Variants in USP12 observed in about 807,000 individuals in gnomAD.
The protein encoded by USP12 is ubiquitin carboxyl-terminal hydrolase 12.
Under a neutral mutation model 45.5 loss-of-function variants are expected in USP12, and 19 were observed. The observed-to-expected ratio is 0.42, with a 90% CI of 0.29 to 0.61. The LOEUF is 0.61. Ranked by LOEUF, USP12 falls within the 20% of genes least tolerant of loss-of-function variation. The probability of loss-of-function intolerance (pLI) is 0.22; values close to 1 mark genes in which losing one functional copy is unlikely to be tolerated. For missense variants in USP12, 242 were observed against 447.7 expected, an observed-to-expected ratio of 0.54 and a Z score of 4.15; for synonymous variants, 149 against 148.8, an observed-to-expected ratio of 1.00 and a Z score of -0.01.
intron 1 of USP12, among the ~76,000 whole-genome samples, chr13:27,136,963 A>G (rs894096948): frequency 6.6e-6 from 1 of 152,220 alleles, no homozygotes; most frequent in Non-Finnish European, 1.5e-5. Context: ...ACATAATACT[A>G]TTTTGTCTAC....
rs759184592 is a variant in USP12, at chr13:27,171,636, C to T, written c.4G>A (p.Glu2Lys). 7.2e-5 allele frequency: 93 copies of T among 1,290,622 alleles called. No individual in the cohort carries two copies. The highest frequency in any genetic ancestry group is 1.9e-4 in the Admixed American group (8 of 42,564). The allele number at this position is 1,290,622 out of a possible 1,614,324, so 79.9% of individuals were successfully genotyped here. ...AATTTGGAGACTGTCATTAGGATTT[C>T]CATCCGGCCAGCGCCATCTTCCACC... MEILMTVSKFAS... is the reference protein window; with the variant it reads MKILMTVSKFAS... Residue 2 changes from glutamate (E) to lysine (K), a missense_variant, in exon 1 of 9, where the codon GAA (glutamate) becomes AAA (lysine). Transcript: ENST00000282344.
chr13:27,082,704 G>A (rs1048887205), intron 6 of USP12, among the ~76,000 whole-genome samples: 3 of 152,156 alleles, frequency 2.0e-5, no homozygotes, highest in Non-Finnish European at 4.4e-5. Context: ...ACCCTTAGAA[G>A]CCATTGTAAG....
chr13:27,132,017 T>C (rs747539901), intron 1 of USP12, among the ~76,000 whole-genome samples: 3 of 152,212 alleles, frequency 2.0e-5, no homozygotes, highest in Non-Finnish European at 4.4e-5. Context: ...GTGCTTCTAC[T>C]GGTTCTACAT....
chr13:27,096,554 A>C (rs78470365), intron 3 of USP12, among the ~76,000 whole-genome samples: 1 of 152,314 alleles, frequency 6.6e-6, no homozygotes, highest in African/African-American at 2.4e-5. Flanking sequence ...AACAGTAAGG[A>C]CTTTAGAGGC....
chr13:27,158,019 G>C (rs17085247), intron 1 of USP12, among the ~76,000 whole-genome samples: 6,510 of 152,314 alleles, frequency 0.043, 175 homozygotes, highest in Admixed American at 0.077. Context: ...TGCGCCATTA[G>C]TTTTACTGGG....
chr13:27,142,906 G>A (rs760766961), intron 1 of USP12, among the ~76,000 whole-genome samples: 3 of 152,080 alleles, frequency 2.0e-5, no homozygotes. Context: ...CATCCTGGCC[G>A]ACATGGTGAA....
chr13:27,110,936 G>A (rs917359519), intron 2 of USP12, among the ~76,000 whole-genome samples: 2 of 152,094 alleles, frequency 1.3e-5, no homozygotes, highest in African/African-American at 4.8e-5. Context: ...AAGTATACCA[G>A]AAATATTATG....
intron 1 of USP12, among the ~76,000 whole-genome samples, chr13:27,131,559 C>T (rs1249078429): frequency 6.6e-6 from 1 of 152,204 alleles, no homozygotes; most frequent in Non-Finnish European, 1.5e-5. Flanking sequence ...TTCAAGTACA[C>T]TTGGTTTTGA....
At chr13:27,140,424 C>G (rs1007241557) in intron 1 of USP12, among the ~76,000 whole-genome samples, 2 of 152,128 alleles carry the variant, frequency 1.3e-5, no homozygotes, top group Non-Finnish European at 2.9e-5. Context: ...AATCTTAAAT[C>G]TACATCAATA....
At chr13:27,145,062 G>C (rs939902212) in intron 1 of USP12, among the ~76,000 whole-genome samples, 2 of 152,164 alleles carry the variant, frequency 1.3e-5, no homozygotes, top group African/African-American at 4.8e-5. Flanking sequence ...CTGCAGCAGA[G>C]TGAGACCCTG....
rs1363091106 is a variant in USP12 at position 27,129,569 on chromosome 13, T to C, written c.49-12973A>G. On this transcript the variant is annotated intron_variant, in intron 1 of 8. Coordinates refer to ENST00000282344, the MANE Select transcript of USP12 (RefSeq NM_182488.4). The surrounding 1 kb of genome is among the most constrained non-coding windows in gnomAD (Gnocchi z 4.0). The stretch of plus-strand genomic sequence containing the variant: ...CAAGACTCTGTCTCTACAGAGGATG[T>C]TGTGGAGCACGCCTGTAGTCCCAGC... 6.6e-6 allele frequency among the ~76,000 whole-genome samples: 1 copy of C among 152,134 alleles called. No homozygotes were observed. The highest frequency in any genetic ancestry group is 1.5e-5 in the Non-Finnish European group (1 of 68,022).
At position 27,170,489 on chromosome 13, in the gene USP12, T is replaced by C. The variant is rs570711191; in HGVS notation, c.48+1103A>G. ...CTAGGCCCACGTTGCAAAGAACAAC[T>C]TTTTTCGGTGATGACTCATAAATTA... On this transcript the variant is annotated intron_variant, in intron 1 of 8. Coordinates refer to ENST00000282344, the MANE Select transcript of USP12 (RefSeq NM_182488.4). Among the ~76,000 whole-genome samples the C allele has an allele frequency of 2.8e-4, 42 of 152,336 alleles. No individual in the cohort carries two copies. The South Asian group carries it at 8.3e-3, about 30-fold the overall frequency.
chr13:27,152,566 ACT>A (rs1436836365), intron 1 of USP12, among the ~76,000 whole-genome samples: 2 of 152,120 alleles, frequency 1.3e-5, no homozygotes, highest in Non-Finnish European at 2.9e-5. Context: ...TAAATGCAAA[ACT>A]CTAAAAGCCA....
intron 1 of USP12, 98 bp from the exon 2 acceptor site, chr13:27,116,694 A>G: frequency 9.0e-7 from 1 of 1,108,210 alleles, no homozygotes; most frequent in East Asian, 2.6e-5. Flanking sequence ...TGGTCCTATC[A>G]CATTACGATG....
chr13:27,107,579 C>G (rs982577864), intron 2 of USP12, among the ~76,000 whole-genome samples: 5 of 152,138 alleles, frequency 3.3e-5, no homozygotes, highest in African/African-American at 1.2e-4. Context: ...TTTGTGTGTA[C>G]GTGTTTTCAA....
intron 1 of USP12, among the ~76,000 whole-genome samples, chr13:27,162,600 C>CA (rs1185510851): frequency 5.3e-5 from 8 of 151,902 alleles, no homozygotes; most frequent in African/African-American, 1.2e-4. Flanking sequence ...TGAAATACCT[C>CA]AAAAAAAATC....
Position 27,075,179 on chromosome 13 carries a change from A to T in USP12, c.932+12T>A. ...AGGAATTCCACTACTATGTCCCCGG[A>T]GTTGCAATTACCTTCCACAGTGAAC... On this transcript the variant is annotated intron_variant, in intron 7 of 8. Coordinates refer to ENST00000282344, the MANE Select transcript of USP12 (RefSeq NM_182488.4). 1 of 1,613,718 alleles carries T rather than the reference A, an allele frequency of 6.2e-7. No individual in the cohort carries two copies. The highest frequency in any genetic ancestry group is 8.5e-7 in the Non-Finnish European group (1 of 1,179,708).
chr13:27,111,617 C>G (rs769939604), intron 2 of USP12, among the ~76,000 whole-genome samples: 30 of 152,164 alleles, frequency 2.0e-4, no homozygotes, highest in Admixed American at 3.9e-4. Context: ...AAACATCCCA[C>G]CGCAAGTATT....
At chr13:27,082,657 T>TA (rs1228002124) in intron 6 of USP12, among the ~76,000 whole-genome samples, 1 of 152,222 alleles carries the variant, frequency 6.6e-6, no homozygotes, top group Non-Finnish European at 1.5e-5. Flanking sequence ...GCTTTTCACT[T>TA]AAAGTGAGAG....
Sources: gnomAD v4.1 joint callset for allele counts (sites outside exome capture counted in the v4.1 genomes callset) on GRCh38, gnomAD v4.1.1 for gene constraint, Gnocchi (gnomAD v3.1) non-coding constraint, MANE v1.5 for transcripts, NCBI Gene and HGNC (gene_info 2026-07-23, HGNC 2026-07-21) for gene names.